CRADD: variants seen among roughly 807,000 people sequenced by gnomAD.
CRADD encodes the protein CARD and death domain containing adaptor protein, also known as death domain-containing protein CRADD.
A neutral mutation model predicts 15.5 loss-of-function variants in CRADD; 9 were observed. The ratio of observed to expected loss-of-function variants is 0.58; its 90% CI spans 0.35 to 1.01. The LOEUF (loss-of-function observed/expected upper bound fraction) is 1.01, where lower values mean the gene tolerates loss of function less well. CRADD is among the 50% of genes least tolerant of loss of function. CRADD has a pLI of 0.02. For synonymous variants in CRADD, 118 were observed against 107.6 expected (o/e 1.10, Z -0.60); for missense variants, 227 against 250.3 (o/e 0.91, Z 0.63).
rs61294048 is a variant in CRADD, at chr12:93,816,383, A to ATTTTTTTTTTTTTTTTTTT, written c.299-33572_299-33571insTTTTTTTTTTTTTTTTTTT. Among the ~76,000 whole-genome samples, 2 of 122,114 alleles carry ATTTTTTTTTTTTTTTTTTT rather than the reference A, an allele frequency of 1.6e-5. 1 individual carries two copies. Among genetic ancestry groups the ATTTTTTTTTTTTTTTTTTT allele is most frequent in the Non-Finnish European group, 3.3e-5 (2 of 61,464 alleles). The allele number at this position is 122,114 out of a possible 152,430, so 80.1% of individuals were successfully genotyped here. ...AGGCGTGTGCCGTGATGCCTGGCTA[A>ATTTTTTTTTTTTTTTTTTT]TTTTTTTTTTTTTTTGGATTTTTGG... On this transcript the variant is annotated intron_variant, in intron 2 of 2. Coordinates refer to ENST00000332896, the MANE Select transcript of CRADD (RefSeq NM_003805.5).
In CRADD at chr12:93,765,332, A is replaced by G. The variant is rs188763057; in HGVS notation, c.299-84638A>G. On this transcript the variant is annotated intron_variant, in intron 2 of 2. Transcript: ENST00000332896. Reference sequence around the variant, plus strand: ...AAATCATATTAATAGTAATAATAATAATGATGATGGTGTACATTTGCATAG... The same window carrying G: ...AAATCATATTAATAGTAATAATAATGATGATGATGGTGTACATTTGCATAG... Among the ~76,000 whole-genome samples, 21 of 152,306 alleles carry G rather than the reference A, an allele frequency of 1.4e-4. No individual in the cohort carries two copies. The East Asian group carries it at 3.7e-3, about 27-fold the overall frequency.
intron 2 of CRADD, among the ~76,000 whole-genome samples, chr12:93,706,409 C>G (rs949141928): frequency 2.0e-5 from 3 of 151,886 alleles, no homozygotes; most frequent in Non-Finnish European, 2.9e-5. Context: ...AATTGATGCT[C>G]TAAAGCATTT....
chr12:93,722,291 T>C (rs966173849), intron 2 of CRADD, among the ~76,000 whole-genome samples: 1 of 152,192 alleles, frequency 6.6e-6, no homozygotes, highest in Non-Finnish European at 1.5e-5. Context: ...TTTTACTTTT[T>C]GTAGTTTGAA....
rs184088084 is a variant in CRADD at position 93,737,880 on chromosome 12, A to G, written c.298+58808A>G. Reference sequence around the variant, plus strand: ...TTGCATGCTTTTTATGGAACAGGCAATGTTGTTTAGGGAATTTGGGCAGCT... The same window carrying G: ...TTGCATGCTTTTTATGGAACAGGCAGTGTTGTTTAGGGAATTTGGGCAGCT... On this transcript the variant is annotated intron_variant, in intron 2 of 2. Coordinates refer to ENST00000332896, the MANE Select transcript of CRADD (RefSeq NM_003805.5). 5.0e-4 allele frequency: 92 copies of G among 182,510 alleles called. 1 individual carries two copies. Among genetic ancestry groups the G allele is most frequent in the African/African-American group, 2.0e-3 (87 of 42,450 alleles). The allele number at this position is 182,510 out of a possible 1,614,324, so 11.3% of individuals were successfully genotyped here. A position where few individuals can be genotyped will look rare whatever the true frequency, so the allele number is the denominator to read the frequency against.
At chr12:93,745,775 T>C (rs910769501) in intron 2 of CRADD, among the ~76,000 whole-genome samples, 5 of 152,230 alleles carry the variant, frequency 3.3e-5, no homozygotes, top group Non-Finnish European at 7.3e-5. Flanking sequence ...TATGGCTCAG[T>C]ATTTGTGTAA....
At chr12:93,723,690 G>T (rs549341688) in intron 2 of CRADD, among the ~76,000 whole-genome samples, 4 of 152,288 alleles carry the variant, frequency 2.6e-5, no homozygotes, top group Non-Finnish European at 4.4e-5. Context: ...GGCTTTGCTG[G>T]GCAGTGGGAA....
At chr12:93,722,835 C>T (rs1956288772) in intron 2 of CRADD, among the ~76,000 whole-genome samples, 1 of 152,154 alleles carries the variant, frequency 6.6e-6, no homozygotes, top group Non-Finnish European at 1.5e-5. Flanking sequence ...CTTGGTCTGT[C>T]TCTTCAAACT....
chr12:93,743,985 G>A (rs1956718197), intron 2 of CRADD, among the ~76,000 whole-genome samples: 1 of 152,068 alleles, frequency 6.6e-6, no homozygotes, highest in Non-Finnish European at 1.5e-5. Flanking sequence ...AGATAAATGA[G>A]TTTAACAGAC....
chr12:93,860,234 A>G (rs2137058543), intron 2 of CRADD, among the ~76,000 whole-genome samples: 1 of 152,208 alleles, frequency 6.6e-6, no homozygotes, highest in South Asian at 2.1e-4. Context: ...AGCTAACTCC[A>G]TATTTAATTT....
At chr12:93,845,578 A>ATATT (rs11474114) in intron 2 of CRADD, among the ~76,000 whole-genome samples, 22,590 of 77,220 alleles carry the variant, frequency 0.29, 1,926 homozygotes, top group East Asian at 0.4. Context: ...ATATATATAT[A>ATATT]TTTTTAATAA....
At chr12:93,790,615 GA>G (rs1259760809) in intron 2 of CRADD, 3 of 151,978 alleles carry the variant, frequency 2.0e-5, no homozygotes, top group African/African-American at 7.3e-5. Flanking sequence ...GTTCTTGATG[GA>G]AATCCCCTAA....
chr12:93,788,988 C>G (rs535809565), intron 2 of CRADD, among the ~76,000 whole-genome samples: 28 of 152,180 alleles, frequency 1.8e-4, no homozygotes, highest in Non-Finnish European at 1.3e-4. Flanking sequence ...TTCTACAGTT[C>G]TTAGCTCTTT....
chr12:93,681,937 A>AG (rs1955317441), intron 2 of CRADD, among the ~76,000 whole-genome samples: 2 of 152,008 alleles, frequency 1.3e-5, no homozygotes, highest in African/African-American at 4.8e-5. Flanking sequence ...TGGGAAGGAA[A>AG]GGGTGGAAGT....
At chr12:93,713,412 C>G (rs1956108451) in intron 2 of CRADD, among the ~76,000 whole-genome samples, 1 of 152,130 alleles carries the variant, frequency 6.6e-6, no homozygotes, top group Admixed American at 6.6e-5. Context: ...AGTCACCCCT[C>G]AGTGTCCGAG....
chr12:93,738,960 T>C (rs751416823), intron 2 of CRADD, among the ~76,000 whole-genome samples: 11 of 152,266 alleles, frequency 7.2e-5, no homozygotes, highest in Non-Finnish European at 1.6e-4. Flanking sequence ...TAATGGTTTC[T>C]TTCTTCATCA....
Position 93,691,032 on chromosome 12 carries a change from T to C in CRADD, c.298+11960T>C, listed in dbSNP as rs12304846. Among the ~76,000 whole-genome samples, 1,404 of 152,340 alleles carry C rather than the reference T, an allele frequency of 9.2e-3. 15 individuals carry two copies. Among genetic ancestry groups the C allele is most frequent in the African/African-American group, 0.032 (1,345 of 41,584 alleles). The stretch of plus-strand genomic sequence containing the variant: ...AAATAAAGGTTTTGAATGTGATTGA[T>C]GTGGACATTTTTGTTCATTTAGTTT... On this transcript the variant is annotated intron_variant, in intron 2 of 2. Coordinates refer to ENST00000332896, the MANE Select transcript of CRADD (RefSeq NM_003805.5).
chr12:93,834,616 G>C (rs774433746), intron 2 of CRADD, among the ~76,000 whole-genome samples: 1 of 152,050 alleles, frequency 6.6e-6, no homozygotes, highest in Non-Finnish European at 1.5e-5. Context: ...AGCCTCCCAA[G>C]TAGCTGGGAC....
At chr12:93,880,459 T>G (rs1037300945) in intron 2 of CRADD, among the ~76,000 whole-genome samples, 2 of 152,146 alleles carry the variant, frequency 1.3e-5, no homozygotes, top group Non-Finnish European at 1.5e-5. Context: ...AGAGTCCTAG[T>G]CATATTCTAA....
At chr12:93,699,295 T>G (rs1477886288) in intron 2 of CRADD, among the ~76,000 whole-genome samples, 1 of 152,220 alleles carries the variant, frequency 6.6e-6, no homozygotes, top group Non-Finnish European at 1.5e-5. Context: ...ACCAGGGCCA[T>G]TGAAGCTTTT....
Sources: allele counts gnomAD v4.1 joint callset (sites outside exome capture counted in the v4.1 genomes callset), GRCh38; gene constraint gnomAD v4.1.1; transcripts MANE v1.5; gene names NCBI Gene and HGNC (gene_info 2026-07-23, HGNC 2026-07-21).